Variants in RNF123 observed in about 807,000 individuals in gnomAD.
RNF123 encodes E3 ubiquitin-protein ligase RNF123.
RNF123 carries 86 observed loss-of-function variants against 168.5 expected under a neutral mutation model. The observed-to-expected ratio is 0.51, with a 90% CI of 0.43 to 0.61. The LOEUF is 0.61. Among genes scored for constraint, RNF123 ranks in the 20% least tolerant of loss-of-function variants. The pLI, the probability that RNF123 is intolerant of heterozygous loss-of-function variation, is 0.00. For synonymous variants in RNF123, 666 were observed against 689.1 expected (o/e 0.97, Z 0.52); for missense variants, 1,419 against 1,729.7 (o/e 0.82, Z 3.19).
intron 20 of RNF123, 140 bp downstream of exon 20, chr3:49,702,893 C>G (rs983555413): frequency 7.6e-7 from 1 of 1,321,418 alleles, no homozygotes; most frequent in African/African-American, 1.4e-5. Flanking sequence ...TTGAGTCCTA[C>G]CCAGCCACAG....
chr3:49,691,050 C>G, intron 1 of RNF123, 80 bp from the exon 2 acceptor site: 1 of 817,746 alleles, frequency 1.2e-6, no homozygotes. Context: ...GCTCCCAAGC[C>G]TTCCTGCCAT....
rs1218657578 is a variant in RNF123, at chr3:49,702,070, A to G, written c.1496-13A>G. On this transcript the variant is annotated splice_polypyrimidine_tract_variant and intron_variant, in intron 17 of 38. Transcript: ENST00000327697. ...CTGGAGCCTGAGGGCCATGTTCCTCACCTGACCTCCAGTGGTGGAAGAACT... is the reference window on the plus strand; with the variant it reads ...CTGGAGCCTGAGGGCCATGTTCCTCGCCTGACCTCCAGTGGTGGAAGAACT... The G allele has an allele frequency of 1.2e-6, 2 of 1,613,252 alleles. No homozygotes were observed. The highest frequency in any genetic ancestry group is 3.3e-5 in the Admixed American group (2 of 59,906).
At chr3:49,690,792 CT>C (rs2054141721) in intron 1 of RNF123, among the ~76,000 whole-genome samples, 1 of 152,222 alleles carries the variant, frequency 6.6e-6, no homozygotes, top group African/African-American at 2.4e-5. Flanking sequence ...GGCTCTGCCC[CT>C]AGGACACCTC....
At position 49,702,316 on chromosome 3, in the gene RNF123, CT is replaced by C; in HGVS notation, c.1558-14del. On this transcript the variant is annotated splice_polypyrimidine_tract_variant and intron_variant, in intron 18 of 38. Coordinates refer to ENST00000327697, the MANE Select transcript of RNF123 (RefSeq NM_022064.5). ...GCATTCTCAGCTCAGCACAGCCTCA[CT>C]TTTCCCTCTCTCAAAGGGTGAAGCT... 6.2e-7 allele frequency: 1 copy of C among 1,613,920 alleles called. No homozygotes were observed. The highest frequency in any genetic ancestry group is 8.5e-7 in the Non-Finnish European group (1 of 1,179,756).
intron 3 of RNF123, among the ~76,000 whole-genome samples, chr3:49,692,835 G>A (rs546787308): frequency 4.1e-4 from 63 of 152,218 alleles, no homozygotes; most frequent in African/African-American, 1.4e-3. Flanking sequence ...ATAGTACTCC[G>A]TTGTGTATAT....
At chr3:49,719,476 A>T (rs770768707) in intron 35 of RNF123, 4 of 1,605,502 alleles carry the variant, frequency 2.5e-6, no homozygotes, top group Non-Finnish European at 1.7e-6. Context: ...GGCGGCGACC[A>T]CCAGGGACAG....
intron 3 of RNF123, among the ~76,000 whole-genome samples, chr3:49,694,048 G>A (rs1214200626): frequency 7.2e-5 from 11 of 152,142 alleles, no homozygotes; most frequent in Non-Finnish European, 1.0e-4. Flanking sequence ...TCCCATTTGT[G>A]GGCTGTCTCT....
At chr3:49,717,749 G>GT in intron 35 of RNF123, 2 of 637,378 alleles carry the variant, frequency 3.1e-6, no homozygotes, top group Non-Finnish European at 5.4e-6. Flanking sequence ...CTGTGCAGGG[G>GT]CAGAGCAGAA....
intron 5 of RNF123, 140 bp from the exon 6 acceptor site, chr3:49,697,744 AC>A: frequency 6.9e-6 from 7 of 1,018,458 alleles, no homozygotes; most frequent in Non-Finnish European, 1.1e-5. Flanking sequence ...ACCCGCTCCC[AC>A]CGTCCTCAGG....
intron 35 of RNF123, chr3:49,718,160 G>C (rs1286490464): frequency 1.2e-6 from 2 of 1,613,212 alleles, no homozygotes; most frequent in Non-Finnish European, 1.7e-6. Context: ...GTGGTGCTGA[G>C]TACTGAGGAC....
chr3:49,720,571 C>A lies in RNF123; in HGVS notation c.3561C>A (p.Cys1187Ter). ...ADPCFQLRSI[C>*]YLLGQPEPPA... ...CCTGCTTCCAGCTACGCTCAATATG[C>A]TATCTCCTGGGACAGCCAGAGCCCC... The change falls in exon 36 of 39, where the codon TGC becomes TGA. Residue 1187 changes from cysteine to a stop codon, truncating the protein, a stop_gained. Coordinates refer to ENST00000327697, the MANE Select transcript of RNF123 (RefSeq NM_022064.5). LOFTEE classifies it high-confidence loss of function. The A allele has an allele frequency of 6.2e-7, 1 of 1,612,096 alleles. No homozygotes were observed. The highest frequency in any genetic ancestry group is 8.5e-7 in the Non-Finnish European group (1 of 1,178,874).
intron 3 of RNF123, among the ~76,000 whole-genome samples, chr3:49,693,045 T>G (rs2054199503): frequency 6.6e-6 from 1 of 152,086 alleles, no homozygotes; most frequent in Non-Finnish European, 1.5e-5. Context: ...AGTTTTTTTT[T>G]TTTTGAAAAA....
rs1268451654 is a variant in RNF123, at chr3:49,716,162, A to G, written c.3400A>G (p.Thr1134Ala). The G allele has an allele frequency of 3.1e-6, 5 of 1,613,512 alleles. No homozygotes were observed. The highest frequency in any genetic ancestry group is 4.2e-6 in the Non-Finnish European group (5 of 1,179,844). The change falls in exon 34 of 39, where the codon ACC becomes GCC. Residue 1134 changes from threonine (T) to alanine (A), a missense_variant. Physicochemically the swap from Thr to Ala is moderately conservative, Grantham distance 58. Around this residue, in one of 5 missense-constraint regions of RNF123, gnomAD observed 164 missense variants for 152.3 expected, o/e 1.08. Coordinates refer to ENST00000327697, the MANE Select transcript of RNF123 (RefSeq NM_022064.5). ...GAGGAACCTGTTTGATCGTGTGGTC[A>G]CCCTACGGCTGCCTGGTGAGGACCT... is the stretch of plus-strand genomic sequence containing the variant. ...AERNLFDRVV[T>A]LRLPGLESVD...
chr3:49,713,836 C>T lies in RNF123; in HGVS notation c.2837+11C>T. ...AATCCCCGAGGAGCAGTGAGTGGGG[C>T]CTGGGGGGCACACACCCTGGCCACA... On this transcript the variant is annotated intron_variant, in intron 29 of 38. Coordinates refer to ENST00000327697, the MANE Select transcript of RNF123 (RefSeq NM_022064.5). 2 of 1,613,210 alleles carry T rather than the reference C, an allele frequency of 1.2e-6. No homozygotes were observed. The highest frequency in any genetic ancestry group is 1.7e-6 in the Non-Finnish European group (2 of 1,179,838).
At chr3:49,698,406 C>T (rs2054310795) in intron 7 of RNF123, 34 bp from the exon 8 acceptor site, 1 of 1,585,650 alleles carries the variant, frequency 6.3e-7, no homozygotes, top group Non-Finnish European at 8.7e-7. Flanking sequence ...CCCTGCCTGC[C>T]TCACCAGGGA....
At position 49,697,415 on chromosome 3, in the gene RNF123, C is replaced by T. The variant is rs144756619; in HGVS notation, c.300C>T (p.Gly100=). The T allele has an allele frequency of 3.9e-5, 63 of 1,610,890 alleles. No individual in the cohort carries two copies. Among genetic ancestry groups the T allele is most frequent in the East Asian group, 1.8e-4 (8 of 44,836 alleles). The change falls in exon 5 of 39, where the codon GGC becomes GGT. Residue 100 remains glycine, a synonymous_variant. Transcript: ENST00000327697. ...CCACTGTGGTCCTGGACCACACAGG[C>T]GGCTTTGAGGGGCTTCTCCTGGTGG... is the stretch of plus-strand genomic sequence containing the variant. ...GPSTVVLDHT[G]GFEGLLLVDD...
rs376417230 is a variant in RNF123 at position 49,698,458 on chromosome 3, C to T, written c.502C>T (p.His168Tyr). ...TCCCTAGGAGGGGGTTGGAGATACA[C>T]ACAACTCCTATGCCTATGATGGCAA... The part of the protein sequence containing the change: ...FNQEEGVGDT[H>Y]NSYAYDGNRV... Residue 168 changes from histidine (H) to tyrosine (Y), a missense_variant, in exon 8 of 39, where the codon CAC becomes TAC. Transcript: ENST00000327697. 3.7e-6 allele frequency: 6 copies of T among 1,613,902 alleles called. No homozygotes were observed. The highest frequency in any genetic ancestry group is 5.1e-6 in the Non-Finnish European group (6 of 1,180,014).
Position 49,691,179 on chromosome 3 carries a change from G to T in RNF123, c.14G>T (p.Gly5Val). The T allele has an allele frequency of 1.2e-6, 2 of 1,613,866 alleles. No homozygotes were observed. The highest frequency in any genetic ancestry group is 1.1e-5 in the South Asian group (1 of 91,060). Residue 5 changes from glycine (G) to valine (V), a missense_variant, in exon 2 of 39, where the codon GGG (glycine) becomes GTG (valine). Coordinates refer to ENST00000327697, the MANE Select transcript of RNF123 (RefSeq NM_022064.5). The part of the protein sequence containing the change: MASK[G>V]AGMSFSRKSY... ...GAGAGATGAAGGATGGCATCCAAGG[G>T]GGCCGGCATGTCTTTCTCCCGCAAG... is the stretch of plus-strand genomic sequence containing the variant.
chr3:49,706,008 T>C lies in RNF123; in HGVS notation c.2331T>C (p.Asn777=). 1 of 1,610,088 alleles carries C rather than the reference T, an allele frequency of 6.2e-7. No individual in the cohort carries two copies. The highest frequency in any genetic ancestry group is 1.1e-5 in the South Asian group (1 of 90,842). ...TGGTGGGTGTCTCCGATGATGTCAA[T>C]GAATACGCTATGGCTCTGAGGGACA... is the stretch of plus-strand genomic sequence containing the variant. ...GKMVGVSDDV[N]EYAMALRDTE... is the part of the protein sequence containing the mutation. Residue 777 remains asparagine, a synonymous_variant, in exon 25 of 39, where the codon AAT becomes AAC. Coordinates refer to ENST00000327697, the MANE Select transcript of RNF123 (RefSeq NM_022064.5).
Sources: gnomAD v4.1 joint callset for allele counts (sites outside exome capture counted in the v4.1 genomes callset) on GRCh38, gnomAD v4.1.1 for gene constraint, gnomAD v4.1.1 regional missense constraint, MANE v1.5 for transcripts, NCBI Gene and HGNC (gene_info 2026-07-23, HGNC 2026-07-21) for gene names.